STK32B: variants seen among roughly 807,000 people sequenced by gnomAD.
STK32B encodes the protein serine/threonine kinase 32B, also known as serine/threonine-protein kinase 32B.
A neutral mutation model predicts 52.6 loss-of-function variants in STK32B; 43 were observed. The ratio of observed to expected loss-of-function variants is 0.82; its 90% CI spans 0.64 to 1.05. The LOEUF is 1.05. STK32B is among the 50% of genes least tolerant of loss of function. The probability of loss-of-function intolerance (pLI) is 0.00; values close to 1 mark genes in which losing one functional copy is unlikely to be tolerated. For synonymous variants in STK32B, 238 were observed against 204.3 expected (o/e 1.17, Z -1.41); for missense variants, 621 against 534.6 (o/e 1.16, Z -1.59).
chr4:5,132,205 T>A (rs1715822177), intron 1 of STK32B, among the ~76,000 whole-genome samples: 1 of 152,250 alleles, frequency 6.6e-6, no homozygotes, highest in East Asian at 1.9e-4. Context: ...TCTAGGTCTT[T>A]GCTATTGTGA....
intron 11 of STK32B, among the ~76,000 whole-genome samples, chr4:5,481,919 G>A (rs551741325): frequency 6.6e-6 from 1 of 152,172 alleles, no homozygotes; most frequent in South Asian, 2.1e-4. Context: ...ATTTCTGAGG[G>A]CTCTGTTCTG....
intron 1 of STK32B, among the ~76,000 whole-genome samples, chr4:5,130,957 C>A (rs116223189): frequency 0.014 from 2,128 of 152,242 alleles, 51 homozygotes; most frequent in African/African-American, 0.048. Context: ...TCAAAACTTT[C>A]CCTGATGGTC....
chr4:5,203,306 A>T (rs1267179104), intron 3 of STK32B, among the ~76,000 whole-genome samples: 2 of 152,152 alleles, frequency 1.3e-5, no homozygotes, highest in African/African-American at 2.4e-5. Flanking sequence ...TTTGTTTCTG[A>T]CGTTCATTCA....
At chr4:5,197,840 C>A (rs1271885161) in intron 3 of STK32B, among the ~76,000 whole-genome samples, 1 of 152,102 alleles carries the variant, frequency 6.6e-6, no homozygotes, top group Non-Finnish European at 1.5e-5. Flanking sequence ...AGGTTCCTTG[C>A]TCTTCAATTA....
intron 5 of STK32B, among the ~76,000 whole-genome samples, chr4:5,401,874 G>A (rs1737313175): frequency 1.3e-5 from 2 of 152,222 alleles, no homozygotes; most frequent in African/African-American, 4.8e-5. Context: ...TCTAGGCTGG[G>A]CTTGGCTGAT....
At chr4:5,306,621 A>G (rs1280745044) in intron 3 of STK32B, among the ~76,000 whole-genome samples, 1 of 152,188 alleles carries the variant, frequency 6.6e-6, no homozygotes, top group African/African-American at 2.4e-5. Flanking sequence ...TAAATGGAGC[A>G]TTTAGGCCAT....
intron 11 of STK32B, among the ~76,000 whole-genome samples, chr4:5,488,875 GACAAA>G (rs1487578521): frequency 6.6e-6 from 1 of 151,446 alleles, no homozygotes; most frequent in Non-Finnish European, 1.5e-5. Context: ...CTCTGAATTA[GACAAA>G]ACATTTTTTT....
chr4:5,479,128 T>G (rs1217429476), intron 11 of STK32B, among the ~76,000 whole-genome samples: 12 of 150,286 alleles, frequency 8.0e-5, no homozygotes, highest in Non-Finnish European at 1.5e-4. Context: ...TTTTTGTTTT[T>G]TTTTTTTTTT....
At chr4:5,492,908 G>T (rs78472203) in intron 11 of STK32B, among the ~76,000 whole-genome samples, 1 of 150,338 alleles carries the variant, frequency 6.7e-6, no homozygotes, top group Non-Finnish European at 1.5e-5. Context: ...AACCAGCCTT[G>T]CATCCCAGGG....
Position 5,394,502 on chromosome 4 carries a change from A to C in STK32B, c.435-3705A>C, listed in dbSNP as rs986533575. On this transcript the variant is annotated intron_variant, in intron 4 of 11. Transcript: ENST00000282908. The surrounding 1 kb of genome is among the most constrained non-coding windows in gnomAD (Gnocchi z 4.2). ...AAAATGCTATTCTTATTAAATCCCA[A>C]GTGATTCAGATTCTCCATCTCCTCC... is the stretch of plus-strand genomic sequence containing the variant. 6.6e-6 allele frequency among the ~76,000 whole-genome samples: 1 copy of C among 152,216 alleles called. No homozygotes were observed. The highest frequency in any genetic ancestry group is 1.5e-5 in the Non-Finnish European group (1 of 68,042).
At chr4:5,243,840 G>A (rs1386375176) in intron 3 of STK32B, among the ~76,000 whole-genome samples, 1 of 152,148 alleles carries the variant, frequency 6.6e-6, no homozygotes, top group East Asian at 1.9e-4. Flanking sequence ...AGATAATCAT[G>A]TGGTTTTTGT....
At chr4:5,480,727 C>A (rs965366487) in intron 11 of STK32B, among the ~76,000 whole-genome samples, 2 of 151,932 alleles carry the variant, frequency 1.3e-5, no homozygotes, top group South Asian at 2.1e-4. Context: ...TGCTATCCCT[C>A]CCCCCTCCAC....
At chr4:5,291,994 C>T (rs6853820) in intron 3 of STK32B, among the ~76,000 whole-genome samples, 18,453 of 152,048 alleles carry the variant, frequency 0.12, 2,553 homozygotes, top group African/African-American at 0.34. Flanking sequence ...AGTTTTACCA[C>T]GTTTTCTTTA....
intron 3 of STK32B, among the ~76,000 whole-genome samples, chr4:5,176,840 A>G: frequency 6.6e-6 from 1 of 152,142 alleles, no homozygotes. Flanking sequence ...TGGGTATATA[A>G]GAAAATTATC....
intron 3 of STK32B, among the ~76,000 whole-genome samples, chr4:5,262,906 T>C (rs569210431): frequency 6.6e-6 from 1 of 152,260 alleles, no homozygotes; most frequent in South Asian, 2.1e-4. Context: ...ATTACATTAA[T>C]AATGAAAGTA....
chr4:5,318,994 T>C (rs1053918855), intron 3 of STK32B, among the ~76,000 whole-genome samples: 8 of 152,048 alleles, frequency 5.3e-5, no homozygotes, highest in East Asian at 1.9e-4. Flanking sequence ...TTAGTAGAGA[T>C]GGGGTTTCAC....
chr4:5,193,921 C>A (rs1259759252), intron 3 of STK32B, among the ~76,000 whole-genome samples: 3 of 152,196 alleles, frequency 2.0e-5, no homozygotes, highest in Non-Finnish European at 4.4e-5. Flanking sequence ...AAGCAGATAT[C>A]CTTTCCCTAC....
At chr4:5,343,538 A>C (rs1243495215) in intron 4 of STK32B, among the ~76,000 whole-genome samples, 2 of 152,222 alleles carry the variant, frequency 1.3e-5, no homozygotes, top group African/African-American at 4.8e-5. Context: ...TGACTTCCAC[A>C]ATGGTTGAAC....
intron 1 of STK32B, among the ~76,000 whole-genome samples, chr4:5,065,365 C>A (rs1742379296): frequency 6.6e-6 from 1 of 152,148 alleles, no homozygotes; most frequent in Non-Finnish European, 1.5e-5. Flanking sequence ...AAGGTGGCCC[C>A]CTTCTCCGTG....
Sources: gnomAD v4.1 joint callset for allele counts (sites outside exome capture counted in the v4.1 genomes callset) on GRCh38, gnomAD v4.1.1 for gene constraint, Gnocchi (gnomAD v3.1) non-coding constraint, MANE v1.5 for transcripts, NCBI Gene and HGNC (gene_info 2026-07-23, HGNC 2026-07-21) for gene names.